CNGB3: variants seen among roughly 807,000 people sequenced by gnomAD.
CNGB3 encodes the protein cyclic nucleotide gated channel subunit beta 3.
Under a neutral mutation model 92.8 loss-of-function variants are expected in CNGB3, and 86 were observed. The ratio of observed to expected loss-of-function variants is 0.93; its 90% confidence interval spans 0.78 to 1.11. CNGB3 has a LOEUF of 1.11. Ranked by LOEUF, CNGB3 falls within the 50% of genes least tolerant of loss-of-function variation. The pLI is 0.00. For synonymous variants in CNGB3, 333 were observed against 332.7 expected, an observed-to-expected ratio of 1.00 and a Z score of -0.01; for missense variants, 1,026 against 956.8, an observed-to-expected ratio of 1.07 and a Z score of -0.95.
At chr8:86,657,675 G>T (rs1046258095) in intron 6 of CNGB3, 13 of 441,420 alleles carry the variant, frequency 2.9e-5, no homozygotes, top group South Asian at 8.8e-5. Context: ...CTTGGCAGCT[G>T]CCAGGAATTT....
In CNGB3 at chr8:86,738,550, A is replaced by T. The variant is rs557488704; in HGVS notation, c.211+1105T>A. Reference sequence around the variant, plus strand: ...ATGGTATTGCTGAGATCGGAAAGAAAGGAAGTGGGCCGGGCGCGGTGGCTC... The same window carrying T: ...ATGGTATTGCTGAGATCGGAAAGAATGGAAGTGGGCCGGGCGCGGTGGCTC... On this transcript the variant is annotated intron_variant, in intron 2 of 17. Coordinates refer to ENST00000320005, the MANE Select transcript of CNGB3 (RefSeq NM_019098.5). 2.6e-5 allele frequency among the ~76,000 whole-genome samples: 4 copies of T among 152,286 alleles called. No homozygotes were observed. The East Asian group carries it at 7.7e-4, about 29-fold the overall frequency.
At chr8:86,581,946 T>C (rs1221955535) in intron 15 of CNGB3, among the ~76,000 whole-genome samples, 1 of 152,106 alleles carries the variant, frequency 6.6e-6, no homozygotes, top group African/African-American at 2.4e-5. Context: ...AATGTCACAC[T>C]AGAGGCCTGT....
intron 4 of CNGB3, 81 bp downstream of exon 4, chr8:86,670,863 A>G: frequency 7.0e-7 from 1 of 1,433,864 alleles, no homozygotes; most frequent in Non-Finnish European, 9.8e-7. Context: ...TGCTTTTGGG[A>G]GATCCAAACT....
chr8:86,702,987 G>T (rs992956101), intron 3 of CNGB3, among the ~76,000 whole-genome samples: 3 of 151,846 alleles, frequency 2.0e-5, no homozygotes, highest in Admixed American at 1.3e-4. Context: ...TTTAAAAATT[G>T]ATTTTACTTT....
intron 15 of CNGB3, among the ~76,000 whole-genome samples, chr8:86,588,978 T>C (rs1821960599): frequency 6.6e-6 from 1 of 152,208 alleles, no homozygotes; most frequent in Non-Finnish European, 1.5e-5. Flanking sequence ...TGGACTCTTT[T>C]TGGTTGTTAA....
chr8:86,726,997 A>G (rs936252268), intron 2 of CNGB3, among the ~76,000 whole-genome samples: 2 of 152,228 alleles, frequency 1.3e-5, no homozygotes, highest in African/African-American at 4.8e-5. Context: ...CCAAGGCTAT[A>G]CGGTATACTC....
chr8:86,617,347 T>G (rs1451773393), intron 13 of CNGB3, among the ~76,000 whole-genome samples: 1 of 152,218 alleles, frequency 6.6e-6, no homozygotes, highest in Non-Finnish European at 1.5e-5. Flanking sequence ...ACTGTGAATT[T>G]AAGTCACTCC....
chr8:86,581,549 C>T (rs915209718), intron 15 of CNGB3, among the ~76,000 whole-genome samples: 6 of 152,146 alleles, frequency 3.9e-5, no homozygotes, highest in African/African-American at 1.4e-4. Context: ...GAGAAAAATA[C>T]TTTACCAGAG....
intron 14 of CNGB3, among the ~76,000 whole-genome samples, chr8:86,609,336 C>T (rs146190648): frequency 6.6e-6 from 1 of 152,314 alleles, no homozygotes; most frequent in Non-Finnish European, 1.5e-5. Flanking sequence ...TTGGACTGCA[C>T]TATGGCTTGT....
intron 10 of CNGB3, 84 bp downstream of exon 10, chr8:86,643,667 A>G (rs1823234697): frequency 1.1e-5 from 17 of 1,480,836 alleles, no homozygotes; most frequent in Admixed American, 1.7e-5. Flanking sequence ...GACAGCTTCA[A>G]AAACACTGGC....
At chr8:86,616,918 A>G (rs1822632836) in intron 13 of CNGB3, among the ~76,000 whole-genome samples, 1 of 152,160 alleles carries the variant, frequency 6.6e-6, no homozygotes, top group Non-Finnish European at 1.5e-5. Context: ...TTGAGATCAA[A>G]GTGTTTGTAT....
intron 6 of CNGB3, among the ~76,000 whole-genome samples, chr8:86,654,901 G>A (rs1036786366): frequency 1.3e-5 from 2 of 152,052 alleles, no homozygotes; most frequent in African/African-American, 4.8e-5. Flanking sequence ...ATTACCGTGC[G>A]GGTTGATGCT....
intron 10 of CNGB3, among the ~76,000 whole-genome samples, chr8:86,642,700 T>G (rs1823214405): frequency 1.3e-5 from 2 of 151,684 alleles, no homozygotes; most frequent in Admixed American, 1.3e-4. Flanking sequence ...GTCAACTTTA[T>G]GCCAGGTCTT....
intron 15 of CNGB3, chr8:86,593,938 T>C: frequency 1.8e-6 from 1 of 544,470 alleles, no homozygotes; most frequent in Non-Finnish European, 3.4e-6. Flanking sequence ...AGGAGTGGAA[T>C]CGGATCCTGT....
chr8:86,589,457 C>G (rs1464652259), intron 15 of CNGB3, among the ~76,000 whole-genome samples: 1 of 151,446 alleles, frequency 6.6e-6, no homozygotes, highest in Non-Finnish European at 1.5e-5. Flanking sequence ...ATCTTTCCTG[C>G]TTTCTCTTGC....
intron 3 of CNGB3, among the ~76,000 whole-genome samples, chr8:86,711,617 C>T (rs1214498384): frequency 1.3e-5 from 2 of 152,092 alleles, no homozygotes; most frequent in South Asian, 2.1e-4. Flanking sequence ...TAGGCTGGCT[C>T]CTCTCTCAGG....
chr8:86,627,978 C>T (rs1822881805), intron 12 of CNGB3, among the ~76,000 whole-genome samples: 1 of 152,196 alleles, frequency 6.6e-6, no homozygotes, highest in South Asian at 2.1e-4. Context: ...GATCTAGTCT[C>T]ACTTAATTAC....
chr8:86,667,753 G>A (rs527919964), intron 5 of CNGB3, among the ~76,000 whole-genome samples: 19 of 152,218 alleles, frequency 1.2e-4, no homozygotes, highest in African/African-American at 4.3e-4. Context: ...CACATATTGC[G>A]GAGTGCTTTG....
chr8:86,726,499 A>T, intron 3 of CNGB3, 32 bp downstream of exon 3: 1 of 1,613,134 alleles, frequency 6.2e-7, no homozygotes, highest in Non-Finnish European at 8.5e-7. Context: ...CAATATCTCT[A>T]AAATATGTTG....
Sources: gnomAD v4.1 joint callset for allele counts (sites outside exome capture counted in the v4.1 genomes callset) on GRCh38, gnomAD v4.1.1 for gene constraint, MANE v1.5 for transcripts, NCBI Gene and HGNC (gene_info 2026-07-23, HGNC 2026-07-21) for gene names.